Variants in RHCG observed in about 807,000 individuals in gnomAD.
RHCG encodes the protein Rh family C glycoprotein, also known as ammonium transporter Rh type C.
In RHCG, 39 loss-of-function variants were observed where a neutral mutation model predicts 55.3. That is an observed-to-expected ratio of 0.70 (90% CI 0.55 to 0.92). The LOEUF (loss-of-function observed/expected upper bound fraction) is 0.92. Among genes scored for constraint, RHCG ranks in the 40% least tolerant of loss-of-function variants. RHCG has a pLI of 0.00. For synonymous variants in RHCG, 250 were observed against 246.8 expected (o/e 1.01, Z -0.12); for missense variants, 635 against 627.9 (o/e 1.01, Z -0.12).
chr15:89,482,740 G>T (rs145703678), intron 3 of RHCG, among the ~76,000 whole-genome samples: 1 of 152,328 alleles, frequency 6.6e-6, no homozygotes, highest in East Asian at 1.9e-4. Flanking sequence ...CTTGGCAGAG[G>T]AATCTGGAAA....
intron 1 of RHCG, among the ~76,000 whole-genome samples, chr15:89,488,442 G>A (rs1285285999): frequency 6.6e-6 from 1 of 152,172 alleles, no homozygotes. Context: ...ATTAGTTGCA[G>A]GGGAAGAAAA....
intron 2 of RHCG, 198 bp downstream of exon 2, chr15:89,486,601 T>TGA (rs1961372955): frequency 9.6e-5 from 34 of 355,146 alleles, no homozygotes; most frequent in Admixed American, 3.6e-4. Flanking sequence ...AGAGAGAGAG[T>TGA]GTGTGTGTGT....
intron 1 of RHCG, among the ~76,000 whole-genome samples, chr15:89,491,320 C>T (rs1246996497): frequency 2.6e-5 from 4 of 152,188 alleles, no homozygotes; most frequent in East Asian, 1.9e-4. Context: ...CTCTTCCCTC[C>T]GTCAGGAACA....
rs1205147204 is a variant in RHCG, at chr15:89,496,551, G to A, written c.-7C>T. 1 of 1,534,506 alleles carries A rather than the reference G, an allele frequency of 6.5e-7. No individual in the cohort carries two copies. Among genetic ancestry groups the A allele is most frequent in the South Asian group, 1.1e-5 (1 of 90,104 alleles). On this transcript the variant is annotated 5_prime_UTR_variant, in exon 1 of 11. Transcript: ENST00000268122. ...GGTTGGTGTTCCAGGCCATGCTGCA[G>A]GGGTGCCTGGCCGGGCTGGCAGCGG...
intron 1 of RHCG, among the ~76,000 whole-genome samples, chr15:89,492,183 C>G (rs1000322341): frequency 6.6e-6 from 1 of 152,148 alleles, no homozygotes; most frequent in African/African-American, 2.4e-5. Context: ...GCAGGGCTGG[C>G]ACTCTGGCCT....
chr15:89,491,562 T>C (rs1182429911), intron 1 of RHCG, among the ~76,000 whole-genome samples: 1 of 151,976 alleles, frequency 6.6e-6, no homozygotes, highest in Non-Finnish European at 1.5e-5. Context: ...AGGTCAGGAG[T>C]TCGAGACCAG....
chr15:89,496,580 G>C lies in RHCG; in HGVS notation c.-36C>G. 6.3e-7 allele frequency: 1 copy of C among 1,589,476 alleles called. No individual in the cohort carries two copies. Among genetic ancestry groups the C allele is most frequent in the Non-Finnish European group, 8.6e-7 (1 of 1,168,562 alleles). On this transcript the variant is annotated 5_prime_UTR_variant, in exon 1 of 11. Coordinates refer to ENST00000268122, the MANE Select transcript of RHCG (RefSeq NM_016321.3). ...TGCCTGGCCGGGCTGGCAGCGGGCGGTTCGGACGCTCGGAGGCCGGCGGGG... is the reference window on the plus strand; with the variant it reads ...TGCCTGGCCGGGCTGGCAGCGGGCGCTTCGGACGCTCGGAGGCCGGCGGGG...
chr15:89,491,781 T>TA (rs5814390), intron 1 of RHCG, among the ~76,000 whole-genome samples: 11,717 of 145,450 alleles, frequency 0.081, 1,528 homozygotes, highest in African/African-American at 0.27. Context: ...AAATAAAAAT[T>TA]AAAAAAAAAA....
At position 89,477,019 on chromosome 15, in the gene RHCG, C is replaced by T. The variant is rs1961163266; in HGVS notation, c.1237+63G>A. ...GCTGACCTGTGCCGCATGCCCTTTG[C>T]TTCTCCACCCAGGGAGCCCCACAGC... On this transcript the variant is annotated intron_variant, in intron 8 of 10. Coordinates refer to ENST00000268122, the MANE Select transcript of RHCG (RefSeq NM_016321.3). This position sits in a 1 kb window ranked among gnomAD's most constrained non-coding sequence, Gnocchi z 4.5. The T allele has an allele frequency of 1.2e-6, 2 of 1,609,044 alleles. No homozygotes were observed. The highest frequency in any genetic ancestry group is 1.3e-5 in the African/African-American group (1 of 74,930).
intron 2 of RHCG, among the ~76,000 whole-genome samples, chr15:89,485,998 T>A (rs922172507): frequency 6.6e-6 from 1 of 152,166 alleles, no homozygotes; most frequent in Non-Finnish European, 1.5e-5. Flanking sequence ...GGGAGGTGTG[T>A]TGAGGCTTGG....
intron 2 of RHCG, 188 bp downstream of exon 2, chr15:89,486,597 AGAGTGTGTGTGTGT>A (rs1422086805): frequency 2.4e-5 from 8 of 327,232 alleles, no homozygotes; most frequent in African/African-American, 2.3e-4. Context: ...AGAGAGAGAG[AGAGTGTGTGTGTGT>A]GTGTGTGTGT....
In RHCG at chr15:89,486,469, C is replaced by T. The variant is rs1004952665; in HGVS notation, c.371+330G>A. The T allele has an allele frequency of 1.1e-5, 5 of 466,168 alleles. No individual in the cohort carries two copies. The Middle Eastern group carries it at 1.3e-3, about 119-fold the overall frequency. 28.9% of individuals were successfully genotyped at this position (466,168 alleles called of 1,614,324 possible). On this transcript the variant is annotated intron_variant, in intron 2 of 10. Transcript: ENST00000268122. ...AGCCTCAAGTCCCTGCAGCCTTTGTCGTAGGGGAAGGGAGACCCTCCTATG... is the reference window on the plus strand; with the variant it reads ...AGCCTCAAGTCCCTGCAGCCTTTGTTGTAGGGGAAGGGAGACCCTCCTATG...
chr15:89,477,226 C>A lies in RHCG; in HGVS notation c.1113-20G>T. 1.9e-6 allele frequency: 3 copies of A among 1,613,588 alleles called. No individual in the cohort carries two copies. The highest frequency in any genetic ancestry group is 2.5e-6 in the Non-Finnish European group (3 of 1,179,752). On this transcript the variant is annotated intron_variant, in intron 7 of 10. Coordinates refer to ENST00000268122, the MANE Select transcript of RHCG (RefSeq NM_016321.3). This position sits in a 1 kb window ranked among gnomAD's most constrained non-coding sequence, Gnocchi z 4.5. ...ACAAGCCTGGGGTGGAGACAGGGGGCAGGTCAGGGCCCCATGGAGAGGCCA... is the reference window on the plus strand; with the variant it reads ...ACAAGCCTGGGGTGGAGACAGGGGGAAGGTCAGGGCCCCATGGAGAGGCCA...
chr15:89,473,791 A>G (rs1440745139), intron 9 of RHCG, among the ~76,000 whole-genome samples: 1 of 152,184 alleles, frequency 6.6e-6, no homozygotes, highest in Non-Finnish European at 1.5e-5. Flanking sequence ...AGATCCTGTA[A>G]CCAATCCCCT....
At chr15:89,488,629 A>T (rs965933674) in intron 1 of RHCG, among the ~76,000 whole-genome samples, 11 of 152,212 alleles carry the variant, frequency 7.2e-5, no homozygotes, top group African/African-American at 2.4e-4. Flanking sequence ...GGAACATGTT[A>T]CTAACAAGGG....
At chr15:89,482,409 C>T (rs1401568175) in intron 3 of RHCG, among the ~76,000 whole-genome samples, 2 of 152,126 alleles carry the variant, frequency 1.3e-5, no homozygotes, top group African/African-American at 4.8e-5. Context: ...TTTAGGGTGA[C>T]CTAAATCACT....
At chr15:89,475,293 T>C (rs1399922179) in intron 9 of RHCG, among the ~76,000 whole-genome samples, 1 of 152,090 alleles carries the variant, frequency 6.6e-6, no homozygotes, top group Non-Finnish European at 1.5e-5. Flanking sequence ...TGGAGGGCAG[T>C]GGCGCAATCA....
intron 9 of RHCG, among the ~76,000 whole-genome samples, 181 bp downstream of exon 9, chr15:89,476,574 T>G (rs1327670320): frequency 6.6e-6 from 1 of 152,106 alleles, no homozygotes; most frequent in Non-Finnish European, 1.5e-5. Flanking sequence ...CCCTGGGGTC[T>G]AGAGGGAAGA....
In RHCG at chr15:89,483,175, G is replaced by A. The variant is rs145476007; in HGVS notation, c.414C>T (p.Ala138=). The part of the protein sequence containing the change: ...ADFCVASVCV[A]FGAVLGKVSP... ...TGACTTTACCCAGAACTGCCCCAAA[G>A]GCCACGCAGACAGAGGCCACGCAGA... Residue 138 remains alanine, a synonymous_variant, in exon 3 of 11, where the codon GCC becomes GCT. Transcript: ENST00000268122. 269 of 1,594,000 alleles carry A rather than the reference G, an allele frequency of 1.7e-4. No homozygotes were observed. The African/African-American group carries it at 3.2e-3, about 19-fold the overall frequency.
Sources: gnomAD v4.1 joint callset for allele counts (sites outside exome capture counted in the v4.1 genomes callset) on GRCh38, gnomAD v4.1.1 for gene constraint, Gnocchi (gnomAD v3.1) non-coding constraint, MANE v1.5 for transcripts, NCBI Gene and HGNC (gene_info 2026-07-23, HGNC 2026-07-21) for gene names.